Variants in MAPRE3 observed in about 807,000 individuals in gnomAD.
The protein encoded by MAPRE3 is microtubule associated protein RP/EB family member 3, also known as microtubule-associated protein RP/EB family member 3.
A neutral mutation model predicts 30.5 loss-of-function variants in MAPRE3; 2 were observed. The ratio of observed to expected loss-of-function variants is 0.07; its 90% confidence interval spans 0.03 to 0.21. The LOEUF (loss-of-function observed/expected upper bound fraction) is 0.21. Among genes scored for constraint, MAPRE3 ranks in the 10% least tolerant of loss-of-function variants. The pLI is 1.00. For missense variants in MAPRE3, 204 were observed against 351.8 expected (o/e 0.58, Z 3.36); for synonymous variants, 110 against 127.7 (o/e 0.86, Z 0.93).
intron 1 of MAPRE3, among the ~76,000 whole-genome samples, chr2:26,979,011 C>T (rs938459228): frequency 2.6e-5 from 4 of 152,194 alleles, no homozygotes; most frequent in Admixed American, 2.0e-4. Context: ...CTGTATGTCA[C>T]TGTAACATGA....
intron 1 of MAPRE3, chr2:27,013,113 C>T (rs1462624746): frequency 6.6e-6 from 1 of 152,602 alleles, no homozygotes; most frequent in East Asian, 1.9e-4. Context: ...ATTAAAAAAA[C>T]ATCAGACCCA....
chr2:27,007,848 A>G (rs1666765273), intron 1 of MAPRE3, among the ~76,000 whole-genome samples: 1 of 152,254 alleles, frequency 6.6e-6, no homozygotes, highest in Non-Finnish European at 1.5e-5. Context: ...CTGGAGATAA[A>G]GAAGTATTTG....
intron 1 of MAPRE3, among the ~76,000 whole-genome samples, chr2:26,991,637 A>G (rs1255227035): frequency 6.6e-6 from 1 of 152,202 alleles, no homozygotes; most frequent in Non-Finnish European, 1.5e-5. Flanking sequence ...CCACATAAAT[A>G]AAAGAAATTG....
intron 1 of MAPRE3, among the ~76,000 whole-genome samples, chr2:26,977,056 C>A (rs1372445598): frequency 6.6e-6 from 1 of 151,970 alleles, no homozygotes; most frequent in Admixed American, 6.6e-5. Flanking sequence ...AATATTAATA[C>A]CAGAACTTTT....
At chr2:27,018,667 C>G (rs773989498) in intron 1 of MAPRE3, among the ~76,000 whole-genome samples, 1 of 152,136 alleles carries the variant, frequency 6.6e-6, no homozygotes, top group Non-Finnish European at 1.5e-5. Context: ...CCACTCTGCC[C>G]CTTCGGCAAG....
At chr2:26,989,259 G>A (rs1297681732) in intron 1 of MAPRE3, among the ~76,000 whole-genome samples, 1 of 152,202 alleles carries the variant, frequency 6.6e-6, no homozygotes, top group African/African-American at 2.4e-5. Flanking sequence ...ACACCCGCTA[G>A]GCTCCAAAGC....
At chr2:26,991,552 G>C (rs1666344020) in intron 1 of MAPRE3, among the ~76,000 whole-genome samples, 1 of 152,186 alleles carries the variant, frequency 6.6e-6, no homozygotes, top group Admixed American at 6.5e-5. Flanking sequence ...AGTTCTATCA[G>C]CTGTGTCTGC....
At chr2:27,016,018 G>T (rs1395816035) in intron 1 of MAPRE3, among the ~76,000 whole-genome samples, 1 of 152,222 alleles carries the variant, frequency 6.6e-6, no homozygotes, top group Non-Finnish European at 1.5e-5. Context: ...TATAGGAAAT[G>T]ACTCAGCAAA....
At chr2:26,975,867 G>T (rs1418693840) in intron 1 of MAPRE3, among the ~76,000 whole-genome samples, 3 of 149,604 alleles carry the variant, frequency 2.0e-5, no homozygotes, top group Non-Finnish European at 4.4e-5. Context: ...CTTAAGTGAG[G>T]GCAGGACCCT....
chr2:26,973,403 GAA>G lies in MAPRE3; in HGVS notation c.-8+2603_-8+2604del, dbSNP rs1411164086. Among the ~76,000 whole-genome samples the G allele has an allele frequency of 2.6e-5, 4 of 152,172 alleles. No homozygotes were observed. In the East Asian group the frequency reaches 7.7e-4, roughly 29 times the overall value. On this transcript the variant is annotated intron_variant, in intron 1 of 6. Transcript: ENST00000233121. ...CATAGTAGGAGGCTATTGAACGGAG[GAA>G]AGTTCCCATATGAGAATCCAACCCA... is the stretch of plus-strand genomic sequence containing the variant.
chr2:27,026,192 AC>A, intron 6 of MAPRE3, 87 bp from the exon 7 acceptor site: 1 of 1,412,606 alleles, frequency 7.1e-7, no homozygotes, highest in Non-Finnish European at 9.8e-7. Context: ...TGGACTCCTG[AC>A]CCCTTGCTCT....
intron 1 of MAPRE3, among the ~76,000 whole-genome samples, chr2:26,972,550 A>T (rs1665936289): frequency 1.3e-5 from 2 of 152,200 alleles, no homozygotes; most frequent in African/African-American, 4.8e-5. Context: ...GTGCAGTGGG[A>T]ACTGTGGGGC....
intron 2 of MAPRE3, 21 bp from the exon 3 acceptor site, chr2:27,023,311 G>A: frequency 6.3e-7 from 1 of 1,588,146 alleles, no homozygotes; most frequent in East Asian, 2.3e-5. Context: ...AGACCCCTCA[G>A]CCAGCCATCC....
At chr2:26,996,883 GTATC>G (rs1352089400) in intron 1 of MAPRE3, 2 of 152,172 alleles carry the variant, frequency 1.3e-5, no homozygotes, top group Non-Finnish European at 2.9e-5. Flanking sequence ...TGGAGGGAAA[GTATC>G]TAGTGAAGAA....
At chr2:27,023,772 T>C (rs1258818184) in intron 3 of MAPRE3, 11 of 507,452 alleles carry the variant, frequency 2.2e-5, no homozygotes, top group Non-Finnish European at 2.9e-5. Flanking sequence ...TCTGTCTCTG[T>C]AGGGCCCAAG....
chr2:27,021,669 T>A (rs1296920752), intron 1 of MAPRE3, among the ~76,000 whole-genome samples: 1 of 152,092 alleles, frequency 6.6e-6, no homozygotes, highest in African/African-American at 2.4e-5. Context: ...CCTGCCAACC[T>A]CATTGTGCCA....
intron 1 of MAPRE3, among the ~76,000 whole-genome samples, chr2:26,988,192 T>C (rs1666259718): frequency 6.6e-6 from 1 of 152,230 alleles, no homozygotes; most frequent in African/African-American, 2.4e-5. Flanking sequence ...ATTGTCTTCA[T>C]GGGACCAGCA....
intron 1 of MAPRE3, among the ~76,000 whole-genome samples, chr2:26,975,555 T>A (rs1665998668): frequency 1.3e-5 from 2 of 151,572 alleles, no homozygotes; most frequent in African/African-American, 2.4e-5. Flanking sequence ...TATAGACATC[T>A]AAAGATTGAA....
chr2:26,976,945 G>A (rs1044020642), intron 1 of MAPRE3, among the ~76,000 whole-genome samples: 1 of 152,232 alleles, frequency 6.6e-6, no homozygotes, highest in African/African-American at 2.4e-5. Context: ...AACATTACTA[G>A]TAATATCAAA....
Sources: gnomAD v4.1 joint callset for allele counts (sites outside exome capture counted in the v4.1 genomes callset) on GRCh38, gnomAD v4.1.1 for gene constraint, MANE v1.5 for transcripts, NCBI Gene and HGNC (gene_info 2026-07-23, HGNC 2026-07-21) for gene names.